The following MAP3K1 variants were observed in gnomAD, a reference collection of about 807,000 sequenced individuals.
The protein encoded by MAP3K1 is MAP/ERK kinase kinase 1.
Under a neutral mutation model 144.2 loss-of-function variants are expected in MAP3K1, and 36 were observed. The observed-to-expected ratio is 0.25, with a 90% CI of 0.19 to 0.33. The LOEUF is 0.33. Among genes scored for constraint, MAP3K1 ranks in the 10% least tolerant of loss-of-function variants. The pLI is 1.00. For missense variants in MAP3K1, 1,650 were observed against 1,881.9 expected (o/e 0.88, Z 2.28); for synonymous variants, 718 against 688.7 (o/e 1.04, Z -0.67).
chr5:56,870,753 A>G (rs1299747187), intron 6 of MAP3K1, among the ~76,000 whole-genome samples: 1 of 152,206 alleles, frequency 6.6e-6, no homozygotes, highest in Admixed American at 6.5e-5. Context: ...ATGTTGGTAC[A>G]CCATAATTTA....
chr5:56,824,296 G>A (rs978414593), intron 1 of MAP3K1, among the ~76,000 whole-genome samples: 3 of 152,240 alleles, frequency 2.0e-5, no homozygotes, highest in Non-Finnish European at 4.4e-5. Flanking sequence ...AACAAAATAT[G>A]TGCTTTGAAG....
intron 19 of MAP3K1, 25 bp downstream of exon 19, chr5:56,888,382 C>G (rs777900467): frequency 6.2e-7 from 1 of 1,611,674 alleles, no homozygotes; most frequent in African/African-American, 1.3e-5. Flanking sequence ...AAAATTACTT[C>G]TTTGTGCTAA....
In MAP3K1 at chr5:56,895,946, A is replaced by T; in HGVS notation, c.*2266A>T. ...TTCCAGGGCTTAAGGGCTAACTTCT[A>T]TTAGCACCTTACTGTGTAAGCAAAT... On this transcript the variant is annotated 3_prime_UTR_variant, in exon 20 of 20. Transcript: ENST00000399503. 4.5e-6 allele frequency: 1 copy of T among 221,230 alleles called. No individual in the cohort carries two copies. Among genetic ancestry groups the T allele is most frequent in the Non-Finnish European group, 8.8e-6 (1 of 113,792 alleles). 13.7% of individuals were successfully genotyped at this position (221,230 alleles called of 1,614,324 possible). A position where few individuals can be genotyped will look rare whatever the true frequency, so the allele number is the denominator to read the frequency against.
intron 1 of MAP3K1, among the ~76,000 whole-genome samples, chr5:56,842,731 G>A (rs893635948): frequency 3.9e-5 from 6 of 152,046 alleles, no homozygotes; most frequent in Non-Finnish European, 7.4e-5. Flanking sequence ...AATAATGGGA[G>A]GAACTCTAAG....
At chr5:56,890,901 C>G (rs1046706411) in intron 19 of MAP3K1, among the ~76,000 whole-genome samples, 1 of 151,384 alleles carries the variant, frequency 6.6e-6, no homozygotes, top group Admixed American at 6.6e-5. Flanking sequence ...AAAAAATTAG[C>G]TGGGCATAGT....
At chr5:56,880,937 A>T in intron 12 of MAP3K1, 135 bp downstream of exon 12, 1 of 1,041,328 alleles carries the variant, frequency 9.6e-7, no homozygotes, top group South Asian at 1.4e-5. Context: ...ACTGTGTTAC[A>T]GTTAGAAATG....
At chr5:56,844,992 T>G (rs1445130195) in intron 1 of MAP3K1, among the ~76,000 whole-genome samples, 1 of 152,228 alleles carries the variant, frequency 6.6e-6, no homozygotes, top group Non-Finnish European at 1.5e-5. Context: ...GAAATCCTTC[T>G]CCTAGCAAAG....
intron 1 of MAP3K1, among the ~76,000 whole-genome samples, chr5:56,826,512 C>G (rs1482124782): frequency 6.6e-6 from 1 of 152,142 alleles, no homozygotes; most frequent in East Asian, 1.9e-4. Flanking sequence ...TTGCTGCCAA[C>G]CTACATATTA....
At chr5:56,883,073 C>T (rs548957310) in intron 14 of MAP3K1, among the ~76,000 whole-genome samples, 13 of 152,106 alleles carry the variant, frequency 8.5e-5, no homozygotes, top group Non-Finnish European at 1.6e-4. Context: ...ACCTGGGGTC[C>T]CAGCTACTCA....
intron 1 of MAP3K1, among the ~76,000 whole-genome samples, chr5:56,836,770 G>A (rs1438025800): frequency 6.6e-6 from 1 of 152,114 alleles, no homozygotes; most frequent in Non-Finnish European, 1.5e-5. Flanking sequence ...CTTCTTTTAG[G>A]GGACTGAAGG....
rs753604717 is a variant in MAP3K1 at position 56,881,914 on chromosome 5, C to T, written c.2714C>T (p.Thr905Ile). The T allele has an allele frequency of 1.2e-6, 2 of 1,614,040 alleles. No individual in the cohort carries two copies. Among genetic ancestry groups the T allele is most frequent in the Admixed American group, 1.7e-5 (1 of 59,988 alleles). ...ETTENSSPEC[T>I]VHLEKTGKGL... ...ACAGAGAACAGTTCCCCTGAGTGCA[C>T]AGTCCATTTAGAGAAAACTGGAAAA... Residue 905 changes from threonine to isoleucine, a missense_variant, in exon 14 of 20, where the codon ACA becomes ATA. By Grantham distance (89) the Thr-to-Ile change is moderately conservative (BLOSUM62 -1). Transcript: ENST00000399503.
chr5:56,888,453 C>A, intron 19 of MAP3K1, 96 bp downstream of exon 19: 1 of 1,042,836 alleles, frequency 9.6e-7, no homozygotes, highest in Non-Finnish European at 1.5e-6. Flanking sequence ...AACAATCTAG[C>A]ATGAAGGTAA....
chr5:56,874,046 C>T (rs1368137050), intron 9 of MAP3K1, among the ~76,000 whole-genome samples: 2 of 152,138 alleles, frequency 1.3e-5, no homozygotes, highest in Non-Finnish European at 2.9e-5. Context: ...TCAGACTAGG[C>T]TCTACATTCC....
In MAP3K1 at chr5:56,816,968, TCCGGCTTGGCCCGGGGACTG is replaced by T. The variant is rs1010192412; in HGVS notation, c.482+915_482+934del. On this transcript the variant is annotated intron_variant, in intron 1 of 19. Transcript: ENST00000399503. ...AGTGGTGACTGCTCCCCGCAGCCCCTCCGGCTTGGCCCGGGGACTGCGGCGCGGGTGCAGTGCTTCCTGCT... is the reference window on the plus strand; with the variant it reads ...AGTGGTGACTGCTCCCCGCAGCCCCTCGGCGCGGGTGCAGTGCTTCCTGCT... The T allele has an allele frequency of 1.4e-5, 8 of 560,232 alleles. No individual in the cohort carries two copies. In the African/African-American group the frequency reaches 1.6e-4, roughly 12 times the overall value. 34.7% of individuals were successfully genotyped at this position (560,232 alleles called of 1,614,324 possible).
chr5:56,824,251 TAAG>T (rs1267281474), intron 1 of MAP3K1, among the ~76,000 whole-genome samples: 2 of 152,210 alleles, frequency 1.3e-5, no homozygotes, highest in Non-Finnish European at 2.9e-5. Flanking sequence ...CACTAAGAAG[TAAG>T]AAAAAATACT....
chr5:56,882,921 A>T, intron 14 of MAP3K1, 55 bp downstream of exon 14: 2 of 1,388,382 alleles, frequency 1.4e-6, no homozygotes, highest in Admixed American at 3.5e-5. Flanking sequence ...GGGCACAGTG[A>T]CTCATACCTG....
intron 1 of MAP3K1, among the ~76,000 whole-genome samples, chr5:56,830,966 T>C (rs948574469): frequency 2.0e-5 from 3 of 152,024 alleles, no homozygotes; most frequent in African/African-American, 7.3e-5. Flanking sequence ...TTAAAAGCAT[T>C]GGTAACAGCA....
chr5:56,883,334 A>G (rs1263822490), intron 14 of MAP3K1, among the ~76,000 whole-genome samples, 193 bp from the exon 15 acceptor site: 6 of 152,242 alleles, frequency 3.9e-5, no homozygotes, highest in East Asian at 1.9e-4. Context: ...ATTCTTGCCT[A>G]TGGGCATTTC....
intron 1 of MAP3K1, among the ~76,000 whole-genome samples, chr5:56,844,468 C>T (rs920930577): frequency 2.6e-5 from 4 of 151,966 alleles, no homozygotes; most frequent in Admixed American, 6.6e-5. Context: ...TGTGAGCCAC[C>T]GTGCCCGGCC....
Sources: allele counts gnomAD v4.1 joint callset (sites outside exome capture counted in the v4.1 genomes callset), GRCh38; gene constraint gnomAD v4.1.1; transcripts MANE v1.5; gene names NCBI Gene and HGNC (gene_info 2026-07-23, HGNC 2026-07-21).